The following NRG1 variants were observed in gnomAD, a reference collection of about 807,000 sequenced individuals.
NRG1 encodes the protein pro-neuregulin-1, membrane-bound isoform.
Under a neutral mutation model 63.8 loss-of-function variants are expected in NRG1, and 18 were observed. The ratio of observed to expected loss-of-function variants is 0.28; its 90% CI spans 0.19 to 0.42. The LOEUF (loss-of-function observed/expected upper bound fraction) is 0.42. Ranked by LOEUF, NRG1 falls within the 10% of genes least tolerant of loss-of-function variation. The pLI, the probability that NRG1 is intolerant of heterozygous loss-of-function variation, is 1.00. For missense variants in NRG1, 762 were observed against 814.7 expected (o/e 0.94, Z 0.79); for synonymous variants, 302 against 301.3 (o/e 1.00, Z -0.02).
rs186945989 is a variant in NRG1 at position 32,294,043 on chromosome 8, A to G, written c.38-301785A>G. On this transcript the variant is annotated intron_variant, in intron 1 of 10. Coordinates refer to the NRG1 transcript ENST00000519301. ...TATTTCTGACTATTTCTTGACGGCC[A>G]TCCATGCTGGGGGAACACCCTCATG... 8.5e-5 allele frequency among the ~76,000 whole-genome samples: 13 copies of G among 152,112 alleles called. No individual in the cohort carries two copies. The East Asian group carries it at 1.6e-3, about 18-fold the overall frequency.
At chr8:32,299,025 CAAAAAAA>C (rs34799826) in intron 1 of NRG1, among the ~76,000 whole-genome samples, 42 of 59,576 alleles carry the variant, frequency 7.0e-4, no homozygotes, top group South Asian at 4.0e-3. Context: ...GACTCTATCT[CAAAAAAA>C]AAAAAAAAAA....
intron 1 of NRG1, among the ~76,000 whole-genome samples, chr8:32,348,616 G>A (rs1167452883): frequency 1.3e-5 from 2 of 151,836 alleles, no homozygotes; most frequent in Non-Finnish European, 2.9e-5. Context: ...TTACTCAATT[G>A]TATAGTGTTT....
chr8:32,268,890 C>G (rs1851265577), intron 1 of NRG1, among the ~76,000 whole-genome samples: 1 of 152,136 alleles, frequency 6.6e-6, no homozygotes, highest in Non-Finnish European at 1.5e-5. Flanking sequence ...TCCCTTGAAG[C>G]ATGGTGGTAT....
At position 32,054,863 on chromosome 8, in the gene NRG1, C is replaced by CTTTTTTTTTTTTTT. The variant is rs543522972; in HGVS notation, c.37+415462_37+415475dup. 9.4e-5 allele frequency among the ~76,000 whole-genome samples: 6 copies of CTTTTTTTTTTTTTT among 63,998 alleles called. 1 individual carries two copies. Among genetic ancestry groups the CTTTTTTTTTTTTTT allele is most frequent in the African/African-American group, 3.0e-4 (5 of 16,398 alleles). 42.0% of individuals were successfully genotyped at this position (63,998 alleles called of 152,430 possible). A position where few individuals can be genotyped will look rare whatever the true frequency, so the allele number is the denominator to read the frequency against. ...CCTTGAAAAGCAGATTTCTTTCTTT[C>CTTTTTTTTTTTTTT]TTTTTTTTTTTTTTTTTTTTTTTTT... On this transcript the variant is annotated intron_variant, in intron 1 of 10. Transcript: ENST00000519301.
chr8:31,809,845 T>A (rs1822708804), intron 1 of NRG1, among the ~76,000 whole-genome samples: 1 of 151,558 alleles, frequency 6.6e-6, no homozygotes, highest in African/African-American at 2.4e-5. Flanking sequence ...TTAGAATTTT[T>A]TTTTTTTTTA....
At chr8:31,934,316 TATATATATGTGTGTGTATATATAC>T (rs1330776599) in intron 1 of NRG1, among the ~76,000 whole-genome samples, 5 of 151,946 alleles carry the variant, frequency 3.3e-5, no homozygotes, top group South Asian at 2.1e-4. Flanking sequence ...TACATGTGTG[TATATATATGTGTGTGTATATATAC>T]ATATATATGT....
chr8:32,559,608 C>T (rs554480231), intron 1 of NRG1, among the ~76,000 whole-genome samples: 1 of 152,152 alleles, frequency 6.6e-6, no homozygotes, highest in Non-Finnish European at 1.5e-5. Flanking sequence ...AGTATCAATA[C>T]ATTATTATAC....
chr8:32,132,570 C>G (rs1458513420), intron 1 of NRG1, among the ~76,000 whole-genome samples: 1 of 148,980 alleles, frequency 6.7e-6, no homozygotes, highest in Non-Finnish European at 1.5e-5. Context: ...TTTAGCTTGG[C>G]TTTTTCTTTC....
Position 32,355,129 on chromosome 8 carries a change from T to A in NRG1, c.38-240699T>A, listed in dbSNP as rs569073415. ...GATTGATTTAATTTGATAATTTTTT[T>A]AGAAAGTTTACATCAAAACAAATTA... On this transcript the variant is annotated intron_variant, in intron 1 of 10. Coordinates refer to the NRG1 transcript ENST00000519301. 1.1e-4 allele frequency among the ~76,000 whole-genome samples: 16 copies of A among 152,290 alleles called. No homozygotes were observed. In the South Asian group the frequency reaches 3.3e-3, roughly 32 times the overall value.
intron 1 of NRG1, among the ~76,000 whole-genome samples, chr8:32,420,569 A>G (rs1389265634): frequency 6.7e-6 from 1 of 149,386 alleles, no homozygotes; most frequent in Admixed American, 6.7e-5. Flanking sequence ...TAAACATGAG[A>G]TTACTGGAAA....
At chr8:32,383,278 G>C (rs1810579690) in intron 1 of NRG1, among the ~76,000 whole-genome samples, 1 of 152,026 alleles carries the variant, frequency 6.6e-6, no homozygotes, top group South Asian at 2.1e-4. Flanking sequence ...TTCCTTTCAT[G>C]TCAGAGACCA....
chr8:32,731,025 C>A (rs1022085025), intron 6 of NRG1, among the ~76,000 whole-genome samples: 1 of 152,098 alleles, frequency 6.6e-6, no homozygotes, highest in African/African-American at 2.4e-5. Flanking sequence ...GATCATTTTT[C>A]ATCATCACTT....
At chr8:32,768,916 AAC>A (rs1831614403), downstream of NRG1, among the ~76,000 whole-genome samples, 1 of 152,190 alleles carries the variant, frequency 6.6e-6, no homozygotes, top group Non-Finnish European at 1.5e-5. Flanking sequence ...ATCATTTCCA[AAC>A]ACTCTGGATG....
At chr8:32,582,069 C>CTATTTTATTTTATTTTATTTTATTT (rs71208197) in intron 1 of NRG1, among the ~76,000 whole-genome samples, 30,900 of 145,002 alleles carry the variant, frequency 0.21, 3,934 homozygotes, top group Non-Finnish European at 0.29. Flanking sequence ...ACCATGAACT[C>CTATTTTATTTTATTTTATTTTATTT]TATTTTATTT....
chr8:31,691,771 T>G (rs1209126360), intron 1 of NRG1, among the ~76,000 whole-genome samples: 1 of 152,142 alleles, frequency 6.6e-6, no homozygotes, highest in Middle Eastern at 3.2e-3. Context: ...TGAAAAAGTA[T>G]GTAAAAAAAT....
intron 1 of NRG1, among the ~76,000 whole-genome samples, chr8:31,933,270 A>G (rs1240797992): frequency 6.6e-6 from 1 of 151,198 alleles, no homozygotes; most frequent in African/African-American, 2.4e-5. Context: ...GATGGATGTC[A>G]TTATTATTAT....
At chr8:32,407,275 T>TTATATA (rs529128261) in intron 1 of NRG1, among the ~76,000 whole-genome samples, 4 of 47,582 alleles carry the variant, frequency 8.4e-5, no homozygotes, top group African/African-American at 2.8e-4. Flanking sequence ...TATATATATA[T>TTATATA]TATATATATA....
intron 1 of NRG1, among the ~76,000 whole-genome samples, chr8:31,721,965 T>C (rs1447037763): frequency 1.3e-5 from 2 of 152,248 alleles, no homozygotes; most frequent in Middle Eastern, 3.4e-3. Context: ...CTACCAAATT[T>C]TCCATCTTTC....
At chr8:31,830,855 G>A (rs1244231950) in intron 1 of NRG1, among the ~76,000 whole-genome samples, 1 of 152,222 alleles carries the variant, frequency 6.6e-6, no homozygotes, top group East Asian at 1.9e-4. Flanking sequence ...CCTGTGGATA[G>A]TGATGGGATT....
Sources: allele counts gnomAD v4.1 joint callset (sites outside exome capture counted in the v4.1 genomes callset), GRCh38; gene constraint gnomAD v4.1.1; transcripts MANE v1.5; gene names NCBI Gene and HGNC (gene_info 2026-07-23, HGNC 2026-07-21).